The following MRRF variants were observed in gnomAD, a reference collection of about 807,000 sequenced individuals.
MRRF encodes mitochondrial ribosome recycling factor.
In MRRF, 18 loss-of-function variants were observed where a neutral mutation model predicts 25.1. The ratio of observed to expected loss-of-function variants is 0.72; its 90% CI spans 0.50 to 1.06. The LOEUF (loss-of-function observed/expected upper bound fraction) is 1.06, where lower values mean the gene tolerates loss of function less well. Ranked by LOEUF, MRRF falls within the 50% of genes least tolerant of loss-of-function variation. The pLI is 0.00. For missense variants in MRRF, 323 were observed against 319.3 expected, an observed-to-expected ratio of 1.01 and a Z score of -0.09; for synonymous variants, 113 against 112.1, an observed-to-expected ratio of 1.01 and a Z score of -0.05.
chr9:122,297,104 G>T (rs910233412), intron 5 of MRRF, among the ~76,000 whole-genome samples: 1 of 152,316 alleles, frequency 6.6e-6, no homozygotes, highest in East Asian at 1.9e-4. Context: ...CACAAGGTCA[G>T]AAGTTCAAGA....
At chr9:122,285,394 A>C (rs1833333949) in intron 4 of MRRF, 107 bp downstream of exon 4, 1 of 810,352 alleles carries the variant, frequency 1.2e-6, no homozygotes. Flanking sequence ...AACAAGAGAG[A>C]AGACATAATA....
chr9:122,273,858 GTTGT>G (rs1588007790), intron 2 of MRRF, among the ~76,000 whole-genome samples: 1 of 152,104 alleles, frequency 6.6e-6, no homozygotes, highest in Admixed American at 6.5e-5. Flanking sequence ...GCACATAATG[GTTGT>G]TTGTGCATTT....
At position 122,328,738 on chromosome 9, in the gene MRRF, A is replaced by T. The variant is rs1489076162; in HGVS notation, c.*6121A>T. The T allele has an allele frequency of 6.6e-6, 1 of 152,240 alleles. No homozygotes were observed. Among genetic ancestry groups the T allele is most frequent in the Admixed American group, 6.5e-5 (1 of 15,280 alleles). 9.4% of individuals were successfully genotyped at this position (152,240 alleles called of 1,614,324 possible). A position where few individuals can be genotyped will look rare whatever the true frequency, so the allele number is the denominator to read the frequency against. ...TTTGGTGTTTTAGCCCTAAGCAGAT[A>T]AAGGATTAGAGATTAGAATGAGGAA... On this transcript the variant is annotated 3_prime_UTR_variant, in exon 7 of 7. Coordinates refer to ENST00000344641, the MANE Select transcript of MRRF (RefSeq NM_138777.5).
intron 2 of MRRF, among the ~76,000 whole-genome samples, chr9:122,277,609 G>A (rs1832854478): frequency 6.6e-6 from 1 of 152,138 alleles, no homozygotes; most frequent in Non-Finnish European, 1.5e-5. Flanking sequence ...GGAATGCAGT[G>A]GTGCAGTGTC....
chr9:122,270,317 G>A (rs1832372181), intron 1 of MRRF, among the ~76,000 whole-genome samples: 1 of 152,210 alleles, frequency 6.6e-6, no homozygotes, highest in African/African-American at 2.4e-5. Context: ...TACCATGGAA[G>A]ACCTCAAACC....
chr9:122,266,224 A>G (rs1215906401), intron 1 of MRRF, among the ~76,000 whole-genome samples: 1 of 152,256 alleles, frequency 6.6e-6, no homozygotes, highest in Non-Finnish European at 1.5e-5. Flanking sequence ...AGGGAATTAG[A>G]CAATCAAATA....
chr9:122,265,640 C>T, intron 1 of MRRF: 2 of 586,546 alleles, frequency 3.4e-6, no homozygotes, highest in Admixed American at 2.4e-5. Flanking sequence ...CTGATCTGAC[C>T]CCTTCATTTT....
chr9:122,285,067 G>A, intron 3 of MRRF, 102 bp from the exon 4 acceptor site: 2 of 764,330 alleles, frequency 2.6e-6, no homozygotes, highest in Admixed American at 4.0e-5. Flanking sequence ...GGGATAACAG[G>A]CATGAGCCAC....
intron 5 of MRRF, among the ~76,000 whole-genome samples, chr9:122,295,035 G>A (rs1564494227): frequency 2.0e-5 from 3 of 152,318 alleles, no homozygotes; most frequent in South Asian, 2.1e-4. Flanking sequence ...TTGGTGTCAC[G>A]TAAGCATGAA....
intron 3 of MRRF, among the ~76,000 whole-genome samples, chr9:122,282,823 A>G (rs1833159413): frequency 6.6e-6 from 1 of 152,170 alleles, no homozygotes; most frequent in African/African-American, 2.4e-5. Context: ...AAGATTACTG[A>G]GATTAGATGC....
At position 122,326,140 on chromosome 9, in the gene MRRF, C is replaced by T. The variant is rs1836134281; in HGVS notation, c.*3523C>T. The T allele has an allele frequency of 7.1e-6, 1 of 141,406 alleles. No homozygotes were observed. The highest frequency in any genetic ancestry group is 1.5e-5 in the Non-Finnish European group (1 of 66,206). 8.8% of individuals were successfully genotyped at this position (141,406 alleles called of 1,614,324 possible). A position where few individuals can be genotyped will look rare whatever the true frequency, so the allele number is the denominator to read the frequency against. Reference sequence around the variant, plus strand: ...TTTTTTTTTTTGCAATGGAGTCTTGCTCTGTCGCCCACGCTGGAGTGCATT... The same window carrying T: ...TTTTTTTTTTTGCAATGGAGTCTTGTTCTGTCGCCCACGCTGGAGTGCATT... On this transcript the variant is annotated 3_prime_UTR_variant, in exon 7 of 7. Coordinates refer to ENST00000344641, the MANE Select transcript of MRRF (RefSeq NM_138777.5).
chr9:122,284,106 T>TA (rs995372751), intron 3 of MRRF, among the ~76,000 whole-genome samples: 16 of 149,400 alleles, frequency 1.1e-4, no homozygotes, highest in South Asian at 2.1e-4. Flanking sequence ...GTGGTGAACC[T>TA]AAAAAAAAAA....
chr9:122,277,794 C>T (rs901096942), intron 2 of MRRF, among the ~76,000 whole-genome samples: 7 of 152,198 alleles, frequency 4.6e-5, no homozygotes, highest in East Asian at 1.9e-4. Flanking sequence ...TCAGGTGATC[C>T]GCCCGCCTTG....
intron 6 of MRRF, among the ~76,000 whole-genome samples, chr9:122,315,192 AT>A: frequency 6.6e-6 from 1 of 151,864 alleles, no homozygotes; most frequent in Non-Finnish European, 1.5e-5. Context: ...TTATTAATTC[AT>A]TTTTCTTGAG....
At position 122,327,677 on chromosome 9, in the gene MRRF, T is replaced by G. The variant is rs958630019; in HGVS notation, c.*5060T>G. On this transcript the variant is annotated 3_prime_UTR_variant, in exon 7 of 7. Transcript: ENST00000344641. ...TGCTTTATGAAAATGGATTCTGCTT[T>G]GTGAAAGTACTGCTGTGTTGTTTTA... 3.9e-5 allele frequency: 6 copies of G among 152,366 alleles called. No homozygotes were observed. The East Asian group carries it at 1.2e-3, about 29-fold the overall frequency. 9.4% of individuals were successfully genotyped at this position (152,366 alleles called of 1,614,324 possible).
intron 1 of MRRF, among the ~76,000 whole-genome samples, chr9:122,269,985 G>A (rs1048497722): frequency 7.2e-5 from 11 of 151,972 alleles, no homozygotes; most frequent in African/African-American, 1.2e-4. Flanking sequence ...TCTTCCTGAC[G>A]GCAAAGCCCA....
At chr9:122,278,702 G>A (rs966434693) in intron 2 of MRRF, among the ~76,000 whole-genome samples, 27 of 152,052 alleles carry the variant, frequency 1.8e-4, no homozygotes, top group African/African-American at 6.3e-4. Context: ...GTTGCTTCTG[G>A]CTTCTGTTGT....
intron 4 of MRRF, chr9:122,285,875 C>T (rs1833372716): frequency 3.9e-6 from 5 of 1,284,648 alleles, no homozygotes; most frequent in South Asian, 2.6e-5. Context: ...GCAGACCCTC[C>T]AGGAAGTCCT....
intron 5 of MRRF, among the ~76,000 whole-genome samples, chr9:122,308,385 CTTTT>C (rs869284152): frequency 8.1e-6 from 1 of 124,214 alleles, no homozygotes; most frequent in African/African-American, 2.9e-5. Context: ...CTGTTTTAGT[CTTTT>C]TTTTTTTTTT....
Sources: allele counts gnomAD v4.1 joint callset (sites outside exome capture counted in the v4.1 genomes callset), GRCh38; gene constraint gnomAD v4.1.1; transcripts MANE v1.5; gene names NCBI Gene and HGNC (gene_info 2026-07-23, HGNC 2026-07-21).